Variants in HIP1 observed in about 807,000 individuals in gnomAD.
The protein encoded by HIP1 is huntingtin-interacting protein 1.
A neutral mutation model predicts 147.6 loss-of-function variants in HIP1; 65 were observed. The observed-to-expected ratio is 0.44, with a 90% CI of 0.36 to 0.54. The LOEUF (loss-of-function observed/expected upper bound fraction) is 0.54. Ranked by LOEUF, HIP1 falls within the 20% of genes least tolerant of loss-of-function variation. The pLI is 0.00. For synonymous variants in HIP1, 479 were observed against 504.0 expected (o/e 0.95, Z 0.67); for missense variants, 1,061 against 1,299.6 (o/e 0.82, Z 2.82).
intron 27 of HIP1, 50 bp from the exon 28 acceptor site, chr7:75,543,024 G>A: frequency 6.4e-7 from 1 of 1,562,518 alleles, no homozygotes; most frequent in Non-Finnish European, 8.7e-7. Context: ...GAGCAACAAG[G>A]ACTGAATCAG....
At chr7:75,677,332 G>A (rs138249867) in intron 1 of HIP1, among the ~76,000 whole-genome samples, 34 of 151,638 alleles carry the variant, frequency 2.2e-4, no homozygotes, top group African/African-American at 7.7e-4. Context: ...TCAGCCAGGC[G>A]TGGTGGCTCA....
chr7:75,642,200 C>A (rs942191899), intron 1 of HIP1, among the ~76,000 whole-genome samples: 2 of 151,970 alleles, frequency 1.3e-5, no homozygotes, highest in African/African-American at 4.8e-5. Flanking sequence ...GGATTCTAGA[C>A]CAGCCTGGGT....
intron 1 of HIP1, among the ~76,000 whole-genome samples, chr7:75,715,211 G>A (rs2107316): frequency 0.54 from 81,251 of 151,450 alleles, 22,409 homozygotes; most frequent in African/African-American, 0.65. Context: ...GCAACACAGC[G>A]AGACCCTATC....
intron 9 of HIP1, among the ~76,000 whole-genome samples, chr7:75,567,010 G>A (rs782405288): frequency 9.3e-5 from 14 of 151,052 alleles, no homozygotes; most frequent in Non-Finnish European, 1.9e-4. Flanking sequence ...TACTGAAGAG[G>A]CTGAGGCAGG....
intron 1 of HIP1, among the ~76,000 whole-genome samples, chr7:75,663,277 A>C (rs1468273): frequency 0.61 from 93,314 of 151,896 alleles, 29,378 homozygotes; most frequent in Middle Eastern, 0.74. Context: ...AGTGGGAAGG[A>C]AAACTCAAAG....
At chr7:75,650,766 T>G (rs1460492759) in intron 1 of HIP1, among the ~76,000 whole-genome samples, 3 of 152,112 alleles carry the variant, frequency 2.0e-5, no homozygotes, top group Non-Finnish European at 4.4e-5. Context: ...CCCAGAAGCA[T>G]GGACCAGGCT....
intron 1 of HIP1, among the ~76,000 whole-genome samples, chr7:75,691,903 T>C (rs1409651556): frequency 6.6e-6 from 1 of 151,842 alleles, no homozygotes; most frequent in African/African-American, 2.4e-5. Flanking sequence ...GGAGTGACTG[T>C]GTGATGGGCA....
intron 1 of HIP1, among the ~76,000 whole-genome samples, chr7:75,713,700 C>CTT (rs1554520290): frequency 1.0e-5 from 1 of 99,406 alleles, no homozygotes. Context: ...AGTGACATGC[C>CTT]ATTTTTTTTT....
At chr7:75,737,080 C>T (rs1423470189) in intron 1 of HIP1, among the ~76,000 whole-genome samples, 4 of 151,968 alleles carry the variant, frequency 2.6e-5, no homozygotes, top group East Asian at 1.9e-4. Context: ...TGCCACCACA[C>T]GAGGATAATT....
intron 1 of HIP1, chr7:75,626,744 T>C (rs587691048): frequency 6.6e-6 from 1 of 152,370 alleles, no homozygotes; most frequent in Non-Finnish European, 1.5e-5. Context: ...AACCGTATTA[T>C]GGTATGGCCC....
rs576606391 is a variant in HIP1 at position 75,649,725 on chromosome 7, C to T, written c.121-50478G>A. Among the ~76,000 whole-genome samples, 5 of 152,278 alleles carry T rather than the reference C, an allele frequency of 3.3e-5. No homozygotes were observed. In the East Asian group the frequency reaches 9.6e-4, roughly 29 times the overall value. On this transcript the variant is annotated intron_variant, in intron 1 of 30. Transcript: ENST00000336926. ...CAACCACAGCCAGGACTCAGGAACC[C>T]CCGGCCTGGTCTTGGCTGAAGCTGA...
Position 75,568,443 on chromosome 7 carries a change from G to T in HIP1, c.746-187C>A, listed in dbSNP as rs587695996. ...GGGAGCCCAGCAGGAACCAGCAGGA[G>T]TGTGGAGACGCTTATCCTCCAAATC... On this transcript the variant is annotated intron_variant, in intron 8 of 30. Coordinates refer to ENST00000336926, the MANE Select transcript of HIP1 (RefSeq NM_005338.7). This position sits in a 1 kb window ranked among gnomAD's most constrained non-coding sequence, Gnocchi z 4.1. 6.6e-6 allele frequency among the ~76,000 whole-genome samples: 1 copy of T among 152,346 alleles called. No homozygotes were observed. The highest frequency in any genetic ancestry group is 1.9e-4 in the East Asian group (1 of 5,176).
intron 1 of HIP1, among the ~76,000 whole-genome samples, chr7:75,636,289 T>A (rs1584906233): frequency 6.9e-6 from 1 of 144,198 alleles, no homozygotes; most frequent in African/African-American, 2.6e-5. Flanking sequence ...AGGCAGAGGG[T>A]GCAGTGAGCC....
At position 75,565,327 on chromosome 7, in the gene HIP1, G is replaced by C. The variant is rs587619796; in HGVS notation, c.804-2064C>G. Among the ~76,000 whole-genome samples the C allele has an allele frequency of 3.3e-5, 5 of 152,278 alleles. No individual in the cohort carries two copies. The South Asian group carries it at 1.0e-3, about 32-fold the overall frequency. ...CAAATGAAAGGAAATGAAATCACCTGACCACACATCCCCATCTTGCTGGTT... is the reference window on the plus strand; with the variant it reads ...CAAATGAAAGGAAATGAAATCACCTCACCACACATCCCCATCTTGCTGGTT... On this transcript the variant is annotated intron_variant, in intron 9 of 30. Transcript: ENST00000336926.
chr7:75,699,541 A>G (rs1800748617), intron 1 of HIP1, among the ~76,000 whole-genome samples: 1 of 152,006 alleles, frequency 6.6e-6, no homozygotes, highest in Non-Finnish European at 1.5e-5. Context: ...CTCCATATAA[A>G]GACATTCAGT....
chr7:75,723,415 A>C (rs927281948), intron 1 of HIP1, among the ~76,000 whole-genome samples: 7 of 152,136 alleles, frequency 4.6e-5, no homozygotes, highest in Non-Finnish European at 8.8e-5. Context: ...ATTATCTTAC[A>C]GTTCTGTAGG....
intron 1 of HIP1, among the ~76,000 whole-genome samples, chr7:75,660,113 A>G (rs537014347): frequency 4.0e-5 from 6 of 151,690 alleles, no homozygotes; most frequent in African/African-American, 1.5e-4. Context: ...CAACAGAGCA[A>G]GACTCCGTCT....
chr7:75,703,819 A>G (rs1800910959), intron 1 of HIP1, among the ~76,000 whole-genome samples: 1 of 152,172 alleles, frequency 6.6e-6, no homozygotes, highest in Non-Finnish European at 1.5e-5. Flanking sequence ...TGCAAATCAA[A>G]GCCACATGCT....
Position 75,650,147 on chromosome 7 carries a change from T to C in HIP1, c.121-50900A>G, listed in dbSNP as rs1284251208. 3.9e-5 allele frequency among the ~76,000 whole-genome samples: 6 copies of C among 152,216 alleles called. No homozygotes were observed. The East Asian group carries it at 1.2e-3, about 29-fold the overall frequency. On this transcript the variant is annotated intron_variant, in intron 1 of 30. Transcript: ENST00000336926. ...CTGGGAAGCAAAGATCTGCCGAATT[T>C]CTAAAGCCTCTCCAGGCAGGCTGCG... is the stretch of plus-strand genomic sequence containing the variant.
Sources: allele counts gnomAD v4.1 joint callset (sites outside exome capture counted in the v4.1 genomes callset), GRCh38; gene constraint gnomAD v4.1.1; non-coding constraint Gnocchi (gnomAD v3.1); transcripts MANE v1.5; gene names NCBI Gene and HGNC (gene_info 2026-07-23, HGNC 2026-07-21).